Variants in CPVL observed in about 807,000 individuals in gnomAD.
The protein encoded by CPVL is probable serine carboxypeptidase CPVL.
CPVL carries 51 observed loss-of-function variants against 63.7 expected under a neutral mutation model. That is an observed-to-expected ratio of 0.80 (90% CI 0.64 to 1.01). The LOEUF (loss-of-function observed/expected upper bound fraction) is 1.01. CPVL is among the 50% of genes least tolerant of loss of function. The probability of loss-of-function intolerance (pLI) is 0.00; values close to 1 mark genes in which losing one functional copy is unlikely to be tolerated. For synonymous variants in CPVL, 195 were observed against 206.0 expected, an observed-to-expected ratio of 0.95 and a Z score of 0.46; for missense variants, 530 against 573.1, an observed-to-expected ratio of 0.92 and a Z score of 0.77.
chr7:29,034,712 G>A lies in CPVL; in HGVS notation c.1138-3953C>T, dbSNP rs7782778. ...CAGGTTATGAGACTGGCTATTTTTC[G>A]TATTTTTGGTAGAGACAGGGTATCA... is the stretch of plus-strand genomic sequence containing the variant. On this transcript the variant is annotated intron_variant, in intron 11 of 12. Transcript: ENST00000265394. 9.0e-3 allele frequency among the ~76,000 whole-genome samples: 1,363 copies of A among 151,756 alleles called. 22 individuals are homozygous for A. The highest frequency in any genetic ancestry group is 0.03 in the African/African-American group (1,249 of 41,406).
intron 1 of CPVL, among the ~76,000 whole-genome samples, chr7:29,132,073 G>C (rs1790755904): frequency 6.6e-6 from 1 of 152,240 alleles, no homozygotes; most frequent in Non-Finnish European, 1.5e-5. Context: ...ACGGAATAGA[G>C]AGGAAAGGGG....
At chr7:29,107,094 T>C (rs1345719767) in intron 3 of CPVL, among the ~76,000 whole-genome samples, 1 of 152,232 alleles carries the variant, frequency 6.6e-6, no homozygotes, top group Non-Finnish European at 1.5e-5. Context: ...ATGGGGCTGT[T>C]TGAGTGCCCT....
intron 11 of CPVL, among the ~76,000 whole-genome samples, chr7:29,032,335 G>A (rs1225273290): frequency 3.3e-5 from 5 of 152,022 alleles, no homozygotes; most frequent in African/African-American, 7.2e-5. Flanking sequence ...GCAGGAACAC[G>A]GGGCCTTTCA....
At chr7:29,142,400 T>C (rs1371869135) in intron 1 of CPVL, among the ~76,000 whole-genome samples, 5 of 152,178 alleles carry the variant, frequency 3.3e-5, no homozygotes, top group African/African-American at 1.2e-4. Flanking sequence ...ATTGGGCATT[T>C]CAGGACAGTA....
At chr7:29,029,241 G>A (rs2128151727) in intron 12 of CPVL, among the ~76,000 whole-genome samples, 2 of 147,990 alleles carry the variant, frequency 1.4e-5, no homozygotes, top group Non-Finnish European at 3.0e-5. Context: ...AAAACAATAT[G>A]GAGGTTTCTA....
At chr7:29,155,883 C>T (rs933929831) in intron 5 of CPVL, among the ~76,000 whole-genome samples, 2 of 152,110 alleles carry the variant, frequency 1.3e-5, no homozygotes, top group Admixed American at 6.5e-5. Context: ...CACATCGGAG[C>T]GTCCTGTCAG....
rs181649885 is a variant in CPVL at position 29,129,857 on chromosome 7, G to C, written c.-10-8786C>G. On this transcript the variant is annotated intron_variant, in intron 1 of 12. Coordinates refer to ENST00000265394, the MANE Select transcript of CPVL (RefSeq NM_031311.5). ...GCAGGGCTTTCATCCAATATAACTC[G>C]TGTCCTTATAATAAGAGGAGGGAAC... Among the ~76,000 whole-genome samples, 52 of 152,208 alleles carry C rather than the reference G, an allele frequency of 3.4e-4. No homozygotes were observed. In the Middle Eastern group the frequency reaches 0.031, roughly 90 times the overall value.
At chr7:29,081,551 A>G (rs1335400642) in intron 7 of CPVL, 1 of 152,214 alleles carries the variant, frequency 6.6e-6, no homozygotes, top group East Asian at 1.9e-4. Flanking sequence ...CACAACTTCT[A>G]ATGTCAACTG....
chr7:29,109,882 C>T (rs1289523966), intron 3 of CPVL, among the ~76,000 whole-genome samples: 1 of 152,174 alleles, frequency 6.6e-6, no homozygotes, highest in Non-Finnish European at 1.5e-5. Flanking sequence ...ACAGTCCAGT[C>T]ATTGTTTAAT....
At chr7:29,072,262 C>A in intron 8 of CPVL, 39 bp downstream of exon 8, 1 of 1,611,246 alleles carries the variant, frequency 6.2e-7, no homozygotes, top group Non-Finnish European at 8.5e-7. Context: ...ATTTAATCCC[C>A]CTAAGAGACA....
intron 2 of CPVL, among the ~76,000 whole-genome samples, chr7:29,115,811 G>A (rs1031882880): frequency 5.9e-5 from 9 of 152,018 alleles, no homozygotes; most frequent in African/African-American, 2.2e-4. Flanking sequence ...AGGAGCTGGA[G>A]GGAATGGAAC....
intron 3 of CPVL, among the ~76,000 whole-genome samples, chr7:29,098,639 T>C (rs1394084892): frequency 6.6e-6 from 1 of 152,202 alleles, no homozygotes; most frequent in Non-Finnish European, 1.5e-5. Flanking sequence ...CGCGGTATTA[T>C]ATAACAAATA....
intron 5 of CPVL, among the ~76,000 whole-genome samples, chr7:29,158,545 TA>T (rs1341880013): frequency 1.3e-5 from 2 of 151,360 alleles, no homozygotes; most frequent in Non-Finnish European, 3.0e-5. Flanking sequence ...TATTGATACT[TA>T]AGTTTACCAG....
At chr7:29,145,851 C>CA (rs1188507470) in intron 1 of CPVL, 2 of 152,210 alleles carry the variant, frequency 1.3e-5, no homozygotes, top group African/African-American at 4.8e-5. Context: ...TATCACTTCA[C>CA]AGGGAGCTGC....
intron 2 of CPVL, 66 bp downstream of exon 2, chr7:29,120,818 CAAAAAAAAA>C (rs375039373): frequency 9.5e-5 from 94 of 990,264 alleles, no homozygotes; most frequent in Admixed American, 3.8e-4. Flanking sequence ...GACTTCGTCT[CAAAAAAAAA>C]AAAAAAAAAA....
At chr7:29,175,974 C>G (rs1008733515) in intron 5 of CPVL, among the ~76,000 whole-genome samples, 27 of 152,168 alleles carry the variant, frequency 1.8e-4, no homozygotes, top group African/African-American at 6.3e-4. Context: ...ATCACAAGGT[C>G]AGGAGATCAA....
chr7:29,044,837 T>C (rs1789462347), intron 11 of CPVL, among the ~76,000 whole-genome samples: 1 of 152,228 alleles, frequency 6.6e-6, no homozygotes. Context: ...TTTAGATCTC[T>C]GGAATCTGCA....
chr7:29,120,109 A>G (rs1789206329), intron 2 of CPVL, among the ~76,000 whole-genome samples: 1 of 152,212 alleles, frequency 6.6e-6, no homozygotes, highest in Non-Finnish European at 1.5e-5. Context: ...CTCAGACAAC[A>G]TATGACATCA....
At chr7:29,188,934 A>G (rs39047) in intron 1 of CPVL, among the ~76,000 whole-genome samples, 19,498 of 148,716 alleles carry the variant, frequency 0.13, 1,655 homozygotes, top group Non-Finnish European at 0.18. Context: ...GCAAGGATAT[A>G]GTTTTCCTCA....
Sources: allele counts gnomAD v4.1 joint callset (sites outside exome capture counted in the v4.1 genomes callset), GRCh38; gene constraint gnomAD v4.1.1; transcripts MANE v1.5; gene names NCBI Gene and HGNC (gene_info 2026-07-23, HGNC 2026-07-21).